The following AMN1 variants were observed in gnomAD, a reference collection of about 807,000 sequenced individuals.
AMN1 encodes the protein protein AMN1 homolog.
Under a neutral mutation model 33.0 loss-of-function variants are expected in AMN1, and 20 were observed. The ratio of observed to expected loss-of-function variants is 0.61; its 90% CI spans 0.43 to 0.88. The LOEUF is 0.88. Among genes scored for constraint, AMN1 ranks in the 40% least tolerant of loss-of-function variants. The probability of loss-of-function intolerance (pLI) is 0.00; values close to 1 mark genes in which losing one functional copy is unlikely to be tolerated. For synonymous variants in AMN1, 114 were observed against 111.9 expected, an observed-to-expected ratio of 1.02 and a Z score of -0.12; for missense variants, 246 against 307.4, an observed-to-expected ratio of 0.80 and a Z score of 1.49.
intron 3 of AMN1, among the ~76,000 whole-genome samples, chr12:31,700,504 G>T (rs935616635): frequency 6.6e-6 from 1 of 152,114 alleles, no homozygotes; most frequent in Admixed American, 6.6e-5. Context: ...AAAAAGCTAT[G>T]CATTACACAA....
Position 31,685,852 on chromosome 12 carries a change from A to AT in AMN1, c.703+3154dup, listed in dbSNP as rs1451399063. ...AAAGGAATGCTCAACCGCATTTGTT[A>AT]TTATTTTTTTTTTTTTGGAAACGGA... On this transcript the variant is annotated intron_variant, in intron 6 of 6. Transcript: ENST00000281471. 3.4e-5 allele frequency among the ~76,000 whole-genome samples: 5 copies of AT among 148,546 alleles called. No individual in the cohort carries two copies. The East Asian group carries it at 8.6e-4, about 25-fold the overall frequency.
chr12:31,720,627 G>T (rs1379504324), intron 1 of AMN1, among the ~76,000 whole-genome samples: 2 of 151,188 alleles, frequency 1.3e-5, no homozygotes, highest in Non-Finnish European at 2.9e-5. Context: ...CTACCAATTT[G>T]CTTCCTGTCA....
intron 1 of AMN1, chr12:31,714,900 C>T (rs1939610699): frequency 1.0e-6 from 1 of 983,992 alleles, no homozygotes. Context: ...AAAGAAGTCA[C>T]TGCCACCAAC....
At chr12:31,706,714 G>A (rs1369223571) in intron 2 of AMN1, among the ~76,000 whole-genome samples, 1 of 152,148 alleles carries the variant, frequency 6.6e-6, no homozygotes, top group African/African-American at 2.4e-5. Context: ...TCTAGTGCTT[G>A]GGGCTCTCTG....
chr12:31,716,198 C>T (rs1013851994), intron 1 of AMN1, among the ~76,000 whole-genome samples: 1 of 152,118 alleles, frequency 6.6e-6, no homozygotes, highest in East Asian at 1.9e-4. Context: ...TCCATTTTCA[C>T]GTTGTTCATG....
At chr12:31,695,393 T>C (rs1439095771) in intron 5 of AMN1, among the ~76,000 whole-genome samples, 5 of 152,160 alleles carry the variant, frequency 3.3e-5, no homozygotes, top group Admixed American at 3.3e-4. Context: ...TGTTTGCACT[T>C]AAAATACCAA....
At chr12:31,718,236 T>A (rs1187653676) in intron 1 of AMN1, among the ~76,000 whole-genome samples, 1 of 151,946 alleles carries the variant, frequency 6.6e-6, no homozygotes, top group African/African-American at 2.4e-5. Flanking sequence ...CTTCATGAAG[T>A]TCTCATGCTG....
intron 2 of AMN1, among the ~76,000 whole-genome samples, chr12:31,703,196 C>A (rs1440408757): frequency 1.3e-5 from 2 of 152,172 alleles, no homozygotes; most frequent in Non-Finnish European, 2.9e-5. Flanking sequence ...AGGAGTGGAG[C>A]TGGGATTGGA....
intron 5 of AMN1, among the ~76,000 whole-genome samples, chr12:31,693,178 A>G (rs1195468758): frequency 6.6e-6 from 1 of 152,172 alleles, no homozygotes. Context: ...AAGGAGATCA[A>G]TTGATCTCCC....
chr12:31,696,487 T>A (rs1053565095), intron 5 of AMN1, among the ~76,000 whole-genome samples: 1 of 152,124 alleles, frequency 6.6e-6, no homozygotes, highest in Non-Finnish European at 1.5e-5. Context: ...TGATGTAGCT[T>A]ACTGTTAAAT....
At chr12:31,717,921 T>G (rs923018314) in intron 1 of AMN1, among the ~76,000 whole-genome samples, 4 of 152,112 alleles carry the variant, frequency 2.6e-5, no homozygotes, top group Non-Finnish European at 4.4e-5. Context: ...CCTCCCTGTG[T>G]CCATGTGTTC....
chr12:31,709,377 A>AAT lies in AMN1; in HGVS notation c.85_86dup (p.Lys30LeufsTer8). 6.2e-7 allele frequency: 1 copy of AAT among 1,613,880 alleles called. No individual in the cohort carries two copies. Among genetic ancestry groups the AAT allele is most frequent in the Non-Finnish European group, 8.5e-7 (1 of 1,179,824 alleles). On this transcript the variant is annotated frameshift_variant, in exon 2 of 7. Coordinates refer to ENST00000281471, the MANE Select transcript of AMN1 (RefSeq NM_001113402.2). LOFTEE classifies it high-confidence loss of function. ...CTTTTATGTTGGGAGGCAAAGGCTT[A>AAT]ATGTCTGTGAGATATCTGGAAATAT... is the stretch of plus-strand genomic sequence containing the variant.
At chr12:31,702,847 C>G (rs1329641234) in intron 2 of AMN1, among the ~76,000 whole-genome samples, 1 of 152,188 alleles carries the variant, frequency 6.6e-6, no homozygotes, top group African/African-American at 2.4e-5. Flanking sequence ...AAGCGATTCT[C>G]CTGCCTCAGC....
At chr12:31,725,350 A>G (rs928004750) in intron 1 of AMN1, among the ~76,000 whole-genome samples, 1 of 152,218 alleles carries the variant, frequency 6.6e-6, no homozygotes, top group Non-Finnish European at 1.5e-5. Context: ...TCAAGACAAA[A>G]TGAAAAGAAG....
chr12:31,728,902 G>C, intron 1 of AMN1, 69 bp downstream of exon 1: 1 of 1,502,574 alleles, frequency 6.7e-7, no homozygotes, highest in Non-Finnish European at 9.0e-7. Flanking sequence ...AGGAAGAGCA[G>C]CGCAGGGCCT....
chr12:31,718,324 T>C (rs1004875440), intron 1 of AMN1, among the ~76,000 whole-genome samples: 1 of 152,110 alleles, frequency 6.6e-6, no homozygotes, highest in Non-Finnish European at 1.5e-5. Flanking sequence ...TAACCTTTTA[T>C]CAAGGTTCTT....
At chr12:31,695,718 C>T (rs769485639) in intron 5 of AMN1, among the ~76,000 whole-genome samples, 12 of 151,466 alleles carry the variant, frequency 7.9e-5, no homozygotes, top group Non-Finnish European at 1.6e-4. Flanking sequence ...AACTCCTGGC[C>T]TCAGGTGATC....
At chr12:31,720,079 G>A (rs1168717639) in intron 1 of AMN1, among the ~76,000 whole-genome samples, 1 of 152,102 alleles carries the variant, frequency 6.6e-6, no homozygotes, top group African/African-American at 2.4e-5. Context: ...AACATACATT[G>A]CTTTACTTTT....
intron 5 of AMN1, among the ~76,000 whole-genome samples, chr12:31,693,542 C>G (rs1263839322): frequency 6.7e-6 from 1 of 149,528 alleles, no homozygotes; most frequent in Non-Finnish European, 1.5e-5. Context: ...TTGTATTTTT[C>G]TTTTTTCTTT....
Sources: gnomAD v4.1 joint callset for allele counts (sites outside exome capture counted in the v4.1 genomes callset) on GRCh38, gnomAD v4.1.1 for gene constraint, MANE v1.5 for transcripts, NCBI Gene and HGNC (gene_info 2026-07-23, HGNC 2026-07-21) for gene names.